Variants in GSTZ1 observed in about 807,000 individuals in gnomAD.
GSTZ1 encodes the protein glutathione S-transferase zeta 1, also known as maleylacetoacetate isomerase.
A neutral mutation model predicts 35.9 loss-of-function variants in GSTZ1; 34 were observed. The observed-to-expected ratio is 0.95, with a 90% CI of 0.72 to 1.26. The LOEUF is 1.26. Ranked by LOEUF, GSTZ1 falls within the 50% of genes most tolerant of loss-of-function variation. The pLI, the probability that GSTZ1 is intolerant of heterozygous loss-of-function variation, is 0.00. For missense variants in GSTZ1, 263 were observed against 271.7 expected, an observed-to-expected ratio of 0.97 and a Z score of 0.23; for synonymous variants, 93 against 101.2, an observed-to-expected ratio of 0.92 and a Z score of 0.49.
chr14:77,327,456 G>T lies in GSTZ1; in HGVS notation c.136-16G>T. On this transcript the variant is annotated splice_polypyrimidine_tract_variant and intron_variant, in intron 3 of 8. Coordinates refer to ENST00000216465, the MANE Select transcript of GSTZ1 (RefSeq NM_145870.3). ...CAGGCCAGGCCACCCAGCCCACCAG[G>T]GCCTTGTCTCCACAGTTTTCTAAGG... The T allele has an allele frequency of 6.3e-7, 1 of 1,583,390 alleles. No homozygotes were observed.
Position 77,331,054 on chromosome 14 carries a change from G to A in GSTZ1, c.525-15G>A. ...CCCTGAAAACCTTAGCTTAGCAGGT[G>A]TTTCTCTACTACAGATTCAAGGTGG... On this transcript the variant is annotated splice_polypyrimidine_tract_variant and intron_variant, in intron 8 of 8. Coordinates refer to ENST00000216465, the MANE Select transcript of GSTZ1 (RefSeq NM_145870.3). 4 of 1,611,642 alleles carry A rather than the reference G, an allele frequency of 2.5e-6. No individual in the cohort carries two copies. Among genetic ancestry groups the A allele is most frequent in the Non-Finnish European group, 3.4e-6 (4 of 1,178,150 alleles).
chr14:77,327,616 T>C (rs1892392350), intron 4 of GSTZ1, 64 bp downstream of exon 4: 1 of 1,086,288 alleles, frequency 9.2e-7, no homozygotes, highest in East Asian at 2.4e-5. Flanking sequence ...GCGCCTGACA[T>C]CTCTTCCTCG....
intron 2 of GSTZ1, chr14:77,326,556 C>T: frequency 2.5e-6 from 1 of 394,556 alleles, no homozygotes; most frequent in Non-Finnish European, 4.8e-6. Context: ...ACACCTTTAT[C>T]ACCATCCAGG....
intron 5 of GSTZ1, chr14:77,328,823 A>G: frequency 2.3e-6 from 1 of 435,112 alleles, no homozygotes; most frequent in South Asian, 2.4e-5. Flanking sequence ...TTGTGGGCAC[A>G]CCTGCCACAG....
At position 77,329,168 on chromosome 14, in the gene GSTZ1, T is replaced by C; in HGVS notation, c.388T>C (p.Trp130Arg). 2 of 1,613,002 alleles carry C rather than the reference T, an allele frequency of 1.2e-6. No homozygotes were observed. The highest frequency in any genetic ancestry group is 1.7e-6 in the Non-Finnish European group (2 of 1,178,884). Residue 130 changes from tryptophan (W) to arginine (R), a missense_variant, in exon 6 of 9, where the codon TGG becomes CGG. Physicochemically the swap from Trp to Arg is moderately radical, Grantham distance 101. Coordinates refer to ENST00000216465, the MANE Select transcript of GSTZ1 (RefSeq NM_145870.3). ...KQVGEEMQLTWAQNAITCGFN... is the reference protein window; with the variant it reads ...KQVGEEMQLTRAQNAITCGFN... ...AGTGGGAGAGGAGATGCAGCTGACC[T>C]GGGCCCAGAACGCCATCACTTGTGG...
intron 2 of GSTZ1, chr14:77,325,984 G>A (rs1307102566): frequency 2.0e-5 from 3 of 152,358 alleles, no homozygotes; most frequent in Non-Finnish European, 2.9e-5. Flanking sequence ...GACTGGAGCT[G>A]ACCAACACTA....
Position 77,321,087 on chromosome 14 carries a change from GA to G in GSTZ1, c.-81del. 7.5e-7 allele frequency: 1 copy of G among 1,330,664 alleles called. No individual in the cohort carries two copies. Among genetic ancestry groups the G allele is most frequent in the Admixed American group, 3.1e-5 (1 of 32,742 alleles). 82.4% of individuals were successfully genotyped at this position (1,330,664 alleles called of 1,614,324 possible). On this transcript the variant is annotated 5_prime_UTR_variant, in exon 1 of 9. Transcript: ENST00000216465. ...ACGAAAGACACGGGCCTGATTCGTCGAGTCTCACTGAGCCTTAGTCGTCGGC... is the reference window on the plus strand; with the variant it reads ...ACGAAAGACACGGGCCTGATTCGTCGGTCTCACTGAGCCTTAGTCGTCGGC...
In GSTZ1 at chr14:77,329,185, C is replaced by T. The variant is rs1224060359; in HGVS notation, c.405C>T (p.Ile135=). The change falls in exon 6 of 9, where the codon ATC becomes ATT. Residue 135 remains isoleucine, a synonymous_variant. Coordinates refer to ENST00000216465, the MANE Select transcript of GSTZ1 (RefSeq NM_145870.3). ...AGCTGACCTGGGCCCAGAACGCCAT[C>T]ACTTGTGGCTTTAACGGTGAGTCCT... ...EMQLTWAQNA[I]TCGFNALEQI... 1 of 1,609,324 alleles carries T rather than the reference C, an allele frequency of 6.2e-7. No individual in the cohort carries two copies. Among genetic ancestry groups the T allele is most frequent in the Non-Finnish European group, 8.5e-7 (1 of 1,175,628 alleles).
rs1892560797 is a variant in GSTZ1 at position 77,330,379 on chromosome 14, C to G, written c.524+20C>G. ...TGAAAGGTAAGAGAGAGCCCCGCCA[C>G]CCTCCCTTCTCGTGGCTCTGCCCAC... On this transcript the variant is annotated intron_variant, in intron 8 of 8. Coordinates refer to ENST00000216465, the MANE Select transcript of GSTZ1 (RefSeq NM_145870.3). 1 of 1,597,676 alleles carries G rather than the reference C, an allele frequency of 6.3e-7. No homozygotes were observed. Among genetic ancestry groups the G allele is most frequent in the Non-Finnish European group, 8.6e-7 (1 of 1,165,168 alleles).
intron 5 of GSTZ1, 124 bp from the exon 6 acceptor site, chr14:77,328,999 G>A: frequency 2.6e-6 from 2 of 764,416 alleles, no homozygotes; most frequent in Non-Finnish European, 4.7e-6. Flanking sequence ...ATGGAGCCTG[G>A]GGGAGAAGGG....
chr14:77,321,471 C>G, intron 1 of GSTZ1: 1 of 1,497,948 alleles, frequency 6.7e-7, no homozygotes, highest in Non-Finnish European at 8.9e-7. Context: ...CTCCCCATAA[C>G]AGACCCCTCC....
chr14:77,329,748 C>A lies in GSTZ1; in HGVS notation c.422-7C>A. On this transcript the variant is annotated splice_polypyrimidine_tract_variant and splice_region_variant and intron_variant, in intron 6 of 8. Transcript: ENST00000216465. ...CAGAATAAGATGTTTATGTGGCCTC[C>A]CCACAGCCCTGGAGCAGATCCTACA... is the stretch of plus-strand genomic sequence containing the variant. 1 of 1,612,176 alleles carries A rather than the reference C, an allele frequency of 6.2e-7. No individual in the cohort carries two copies. The highest frequency in any genetic ancestry group is 8.5e-7 in the Non-Finnish European group (1 of 1,178,212).
At position 77,327,254 on chromosome 14, in the gene GSTZ1, A is replaced by G. The variant is rs1487758481; in HGVS notation, c.136-218A>G. On this transcript the variant is annotated intron_variant, in intron 3 of 8. Transcript: ENST00000216465. ...ACGGTGTGAGATGCAGGGAAAGCCC[A>G]TAGCCAGGCTGTTAGGATGAAGCCT... 6 of 604,102 alleles carry G rather than the reference A, an allele frequency of 9.9e-6. No individual in the cohort carries two copies. The East Asian group carries it at 1.7e-4, about 17-fold the overall frequency. The allele number at this position is 604,102 out of a possible 1,614,324, so 37.4% of individuals were successfully genotyped here.
intron 1 of GSTZ1, 151 bp downstream of exon 1, chr14:77,321,334 C>T (rs774980248): frequency 6.5e-7 from 1 of 1,533,780 alleles, no homozygotes; most frequent in South Asian, 1.2e-5. Context: ...CGCCTGCGTG[C>T]TGCGCGCTGC....
Position 77,331,120 on chromosome 14 carries a change from G to GCTGCTGGTCTT in GSTZ1, c.577_587dup (p.Leu196PhefsTer23), listed in dbSNP as rs1892607572. 2 of 1,613,980 alleles carry GCTGCTGGTCTT rather than the reference G, an allele frequency of 1.2e-6. No individual in the cohort carries two copies. The highest frequency in any genetic ancestry group is 1.7e-6 in the Non-Finnish European group (2 of 1,179,956). On this transcript the variant is annotated frameshift_variant, in exon 9 of 9. Coordinates refer to ENST00000216465, the MANE Select transcript of GSTZ1 (RefSeq NM_145870.3). LOFTEE classifies it high-confidence loss of function. ...CTACCATCAGCTCCATCAACAAGAG[G>GCTGCTGGTCTT]CTGCTGGTCTTGGAGGCCTTCCAGG...
rs1051553270 is a variant in GSTZ1 at position 77,326,971 on chromosome 14, A to G, written c.135+66A>G. 4.8e-4 allele frequency: 515 copies of G among 1,080,740 alleles called. 3 individuals carry two copies. The highest frequency in any genetic ancestry group is 3.5e-5 in the Non-Finnish European group (25 of 713,892). 66.9% of individuals were successfully genotyped at this position (1,080,740 alleles called of 1,614,324 possible). A position where few individuals can be genotyped will look rare whatever the true frequency, so the allele number is the denominator to read the frequency against. On this transcript the variant is annotated intron_variant, in intron 3 of 8. Transcript: ENST00000216465. ...GCCTTGAACAGGCACCAGGCAGGGG[A>G]AAAAGGGGAGGCTCTGCCCCAGAGA... is the stretch of plus-strand genomic sequence containing the variant.
chr14:77,321,321 C>T (rs1396687254), intron 1 of GSTZ1, 138 bp downstream of exon 1: 5 of 1,529,668 alleles, frequency 3.3e-6, no homozygotes, highest in Non-Finnish European at 4.4e-6. Flanking sequence ...CGGGCACGCT[C>T]TGCGCCTGCG....
At chr14:77,326,736 G>A in intron 2 of GSTZ1, 102 bp from the exon 3 acceptor site, 1 of 784,428 alleles carries the variant, frequency 1.3e-6, no homozygotes, top group Non-Finnish European at 2.2e-6. Flanking sequence ...TGTTAGAGAA[G>A]CCTCCCCCTC....
intron 4 of GSTZ1, 110 bp from the exon 5 acceptor site, chr14:77,327,802 G>T: frequency 9.5e-7 from 1 of 1,049,416 alleles, no homozygotes; most frequent in African/African-American, 1.6e-5. Flanking sequence ...CAGGGGGGAA[G>T]AGGTGTAGTG....
Sources: allele counts gnomAD v4.1 joint callset, GRCh38; gene constraint gnomAD v4.1.1; transcripts MANE v1.5; gene names NCBI Gene and HGNC (gene_info 2026-07-23, HGNC 2026-07-21).